The following GPC6 variants were observed in gnomAD, a reference collection of about 807,000 sequenced individuals.
The protein encoded by GPC6 is glypican-6.
GPC6 carries 14 observed loss-of-function variants against 55.2 expected under a neutral mutation model. The ratio of observed to expected loss-of-function variants is 0.25; its 90% CI spans 0.17 to 0.40. GPC6 has a LOEUF of 0.40. Among genes scored for constraint, GPC6 ranks in the 10% least tolerant of loss-of-function variants. GPC6 has a pLI of 1.00. For synonymous variants in GPC6, 278 were observed against 259.6 expected (o/e 1.07, Z -0.68); for missense variants, 641 against 708.5 (o/e 0.90, Z 1.08).
At chr13:94,248,960 G>A (rs965526382) in intron 4 of GPC6, among the ~76,000 whole-genome samples, 1 of 152,068 alleles carries the variant, frequency 6.6e-6, no homozygotes, top group African/African-American at 2.4e-5. Flanking sequence ...GGGTGGTTAG[G>A]AAAATTAACC....
chr13:93,499,091 TCACACACACA>T (rs61370011), intron 1 of GPC6, among the ~76,000 whole-genome samples: 15 of 133,626 alleles, frequency 1.1e-4, no homozygotes, highest in East Asian at 6.0e-4. Flanking sequence ...TCCTTAATTG[TCACACACACA>T]CACACACACA....
chr13:94,208,753 C>CAAA (rs762261930), intron 4 of GPC6, among the ~76,000 whole-genome samples: 3,558 of 36,230 alleles, frequency 0.098, 340 homozygotes, highest in Non-Finnish European at 0.13. Context: ...TCCCATCTCC[C>CAAA]AAAAAAAAAA....
At chr13:93,965,773 AC>A in intron 3 of GPC6, among the ~76,000 whole-genome samples, 1 of 152,284 alleles carries the variant, frequency 6.6e-6, no homozygotes, top group South Asian at 2.1e-4. Flanking sequence ...CTCTTAGGTC[AC>A]CTCAGAGGAG....
chr13:93,761,526 T>A (rs1273441706), intron 2 of GPC6, among the ~76,000 whole-genome samples: 2 of 152,172 alleles, frequency 1.3e-5, no homozygotes, highest in Non-Finnish European at 1.5e-5. Context: ...TTAAAATTTT[T>A]AAATAGAGAC....
intron 4 of GPC6, among the ~76,000 whole-genome samples, chr13:94,271,787 C>T (rs1311838480): frequency 6.6e-6 from 1 of 152,116 alleles, no homozygotes; most frequent in African/African-American, 2.4e-5. Flanking sequence ...TTCTCTCCCT[C>T]CTTCCTCATC....
intron 2 of GPC6, among the ~76,000 whole-genome samples, chr13:93,810,971 A>G (rs984361165): frequency 1.3e-5 from 2 of 152,334 alleles, no homozygotes; most frequent in South Asian, 2.1e-4. Context: ...TTCAGAAGAA[A>G]TGTTTCCTCT....
chr13:94,065,508 A>G (rs897373139), intron 4 of GPC6, among the ~76,000 whole-genome samples: 87 of 152,338 alleles, frequency 5.7e-4, no homozygotes, highest in African/African-American at 2.0e-3. Context: ...ATGCAAAATT[A>G]AATGCATTTT....
intron 6 of GPC6, among the ~76,000 whole-genome samples, chr13:94,335,525 T>C (rs1877637979): frequency 6.6e-6 from 1 of 152,152 alleles, no homozygotes; most frequent in Non-Finnish European, 1.5e-5. Flanking sequence ...CAGAGGCAAA[T>C]TTACAGTCTT....
Position 93,494,409 on chromosome 13 carries a change from A to T in GPC6, c.161-50854A>T, listed in dbSNP as rs569300940. ...TCCTCCATCCTTTTATTTTGAGCCT[A>T]TGTGTGTCTCTGCACGTGAGATGGG... On this transcript the variant is annotated intron_variant, in intron 1 of 8. Transcript: ENST00000377047. Among the ~76,000 whole-genome samples, 7 of 150,600 alleles carry T rather than the reference A, an allele frequency of 4.6e-5. No individual in the cohort carries two copies. The East Asian group carries it at 1.4e-3, about 30-fold the overall frequency.
intron 3 of GPC6, among the ~76,000 whole-genome samples, chr13:93,904,250 A>T (rs1171772735): frequency 6.6e-6 from 1 of 152,188 alleles, no homozygotes; most frequent in Non-Finnish European, 1.5e-5. Flanking sequence ...TGGGTAGATT[A>T]TGAGGTTCAA....
At position 93,545,469 on chromosome 13, in the gene GPC6, A is replaced by G. The variant is rs538019024; in HGVS notation, c.319+48A>G. The G allele has an allele frequency of 3.1e-5, 45 of 1,466,626 alleles. 1 individual carries two copies. In the South Asian group the frequency reaches 4.5e-4, roughly 15 times the overall value. The allele number at this position is 1,466,626 out of a possible 1,614,324, so 90.9% of individuals were successfully genotyped here. A position where few individuals can be genotyped will look rare whatever the true frequency, so the allele number is the denominator to read the frequency against. ...CAGTTTGTTATAGGTGCACTTTTCT[A>G]TGAGAATCTTGGTATCATATGAAAA... On this transcript the variant is annotated intron_variant, in intron 2 of 8. Transcript: ENST00000377047.
At chr13:94,336,600 T>C (rs1877713944) in intron 6 of GPC6, among the ~76,000 whole-genome samples, 1 of 152,160 alleles carries the variant, frequency 6.6e-6, no homozygotes, top group South Asian at 2.1e-4. Context: ...TGGAGAACCT[T>C]TCTGAATTAT....
chr13:93,696,994 G>A (rs1882483730), intron 2 of GPC6, among the ~76,000 whole-genome samples: 1 of 152,012 alleles, frequency 6.6e-6, no homozygotes. Context: ...AGTGTCTCTT[G>A]CCTTCCTGCT....
At chr13:94,007,576 A>G (rs567404703) in intron 3 of GPC6, among the ~76,000 whole-genome samples, 3 of 152,306 alleles carry the variant, frequency 2.0e-5, no homozygotes, top group South Asian at 4.1e-4. Flanking sequence ...CTACTGCCCT[A>G]AAGTGAACAT....
intron 6 of GPC6, among the ~76,000 whole-genome samples, chr13:94,359,569 G>A (rs763468911): frequency 2.0e-5 from 3 of 151,956 alleles, no homozygotes; most frequent in East Asian, 3.9e-4. Flanking sequence ...CATAAGGCTC[G>A]TCAAAGAAGT....
At chr13:93,388,023 C>T (rs1436075517) in intron 1 of GPC6, among the ~76,000 whole-genome samples, 1 of 152,060 alleles carries the variant, frequency 6.6e-6, no homozygotes, top group African/African-American at 2.4e-5. Flanking sequence ...AGGAATTCTG[C>T]CAAAATTCCA....
chr13:94,238,517 GAGTT>G (rs1890949393), intron 4 of GPC6, among the ~76,000 whole-genome samples: 1 of 152,152 alleles, frequency 6.6e-6, no homozygotes, highest in Non-Finnish European at 1.5e-5. Context: ...TAAGGGAGTA[GAGTT>G]ACTCCATTGG....
chr13:94,146,742 T>C (rs1301202410), intron 4 of GPC6, among the ~76,000 whole-genome samples: 1 of 152,144 alleles, frequency 6.6e-6, no homozygotes, highest in Non-Finnish European at 1.5e-5. Flanking sequence ...TTGTTGTATA[T>C]CAAAAGTGAT....
At chr13:94,013,471 T>G (rs571481279) in intron 3 of GPC6, among the ~76,000 whole-genome samples, 3 of 152,032 alleles carry the variant, frequency 2.0e-5, no homozygotes, top group African/African-American at 7.2e-5. Context: ...CTGCCTCAGC[T>G]TCCCAAGTAG....
Sources: gnomAD v4.1 joint callset for allele counts (sites outside exome capture counted in the v4.1 genomes callset) on GRCh38, gnomAD v4.1.1 for gene constraint, MANE v1.5 for transcripts, NCBI Gene and HGNC (gene_info 2026-07-23, HGNC 2026-07-21) for gene names.